The following SPRING1 variants were observed in gnomAD, a reference collection of about 807,000 sequenced individuals.
SPRING1 encodes SREBP regulating gene protein.
In SPRING1, 14 loss-of-function variants were observed where a neutral mutation model predicts 24.7. The ratio of observed to expected loss-of-function variants is 0.57; its 90% CI spans 0.37 to 0.88. SPRING1 has a LOEUF of 0.88. Among genes scored for constraint, SPRING1 ranks in the 40% least tolerant of loss-of-function variants. The probability of loss-of-function intolerance (pLI) is 0.00; values close to 1 mark genes in which losing one functional copy is unlikely to be tolerated. For missense variants in SPRING1, 255 were observed against 268.4 expected, an observed-to-expected ratio of 0.95 and a Z score of 0.35; for synonymous variants, 93 against 106.1, an observed-to-expected ratio of 0.88 and a Z score of 0.76.
At chr12:116,718,921 C>T (rs939898541) in intron 4 of SPRING1, among the ~76,000 whole-genome samples, 7 of 152,264 alleles carry the variant, frequency 4.6e-5, no homozygotes, top group African/African-American at 9.6e-5. Flanking sequence ...ACTGAATGCT[C>T]GCAGAACAAA....
intron 1 of SPRING1, among the ~76,000 whole-genome samples, chr12:116,727,770 AG>A (rs1166065252): frequency 6.6e-6 from 1 of 152,248 alleles, no homozygotes; most frequent in African/African-American, 2.4e-5. Flanking sequence ...GAAAAATGGC[AG>A]GAAGAAAATA....
At chr12:116,730,029 T>C (rs1183249643) in intron 1 of SPRING1, among the ~76,000 whole-genome samples, 3 of 152,010 alleles carry the variant, frequency 2.0e-5, no homozygotes, top group Non-Finnish European at 4.4e-5. Flanking sequence ...GCCTCCCGAG[T>C]AGCTGGAACT....
Position 116,720,320 on chromosome 12 carries a change from G to A in SPRING1, c.396C>T (p.Val132=), listed in dbSNP as rs747392112. The change falls in exon 3 of 5, where the codon GTC becomes GTT. Residue 132 remains valine (V), a synonymous_variant. Transcript: ENST00000261318. This position sits in a 1 kb window ranked among gnomAD's most constrained non-coding sequence, Gnocchi z 4.0. The part of the protein sequence containing the change: ...NGCCSAYEYC[V]SCCLQPNKQL... ...CCTTGTTGGGCTGCAGGCAGCAGGA[G>A]ACACAGTACTCATAGGCGCTGCAGC... is the stretch of plus-strand genomic sequence containing the variant. 3.7e-6 allele frequency: 6 copies of A among 1,613,128 alleles called. No homozygotes were observed. The highest frequency in any genetic ancestry group is 5.1e-6 in the Non-Finnish European group (6 of 1,179,680).
At chr12:116,731,763 T>C (rs1870987493) in intron 1 of SPRING1, among the ~76,000 whole-genome samples, 2 of 151,748 alleles carry the variant, frequency 1.3e-5, no homozygotes. Flanking sequence ...AACAAACAAA[T>C]AAACAAAACC....
At chr12:116,725,779 A>G (rs1050943349) in intron 1 of SPRING1, among the ~76,000 whole-genome samples, 27 of 152,062 alleles carry the variant, frequency 1.8e-4, no homozygotes, top group Admixed American at 1.1e-3. Flanking sequence ...CCAGCTACTC[A>G]GGAGGCTGAG....
intron 1 of SPRING1, among the ~76,000 whole-genome samples, chr12:116,730,352 T>C (rs541300438): frequency 2.2e-4 from 33 of 152,094 alleles, no homozygotes; most frequent in African/African-American, 7.7e-4. Context: ...TACAGGCACC[T>C]GCCACCACAC....
In SPRING1 at chr12:116,720,501, A is replaced by G. The variant is rs1259593213; in HGVS notation, c.269-54T>C. ...AAACCAGCAGCCTTGCCACCTCCCT[A>G]CCAGGGATGACCATGAAGCAGCAGT... On this transcript the variant is annotated intron_variant, in intron 2 of 4. Coordinates refer to ENST00000261318, the MANE Select transcript of SPRING1 (RefSeq NM_024738.4). The surrounding 1 kb of genome is among the most constrained non-coding windows in gnomAD (Gnocchi z 4.0). The G allele has an allele frequency of 2.4e-5, 38 of 1,588,874 alleles. No individual in the cohort carries two copies. In the South Asian group the frequency reaches 4.1e-4, roughly 17 times the overall value.
Position 116,710,941 on chromosome 12 carries a change from C to T in SPRING1, c.*6869G>A, listed in dbSNP as rs549255003. 1 of 152,154 alleles carries T rather than the reference C, an allele frequency of 6.6e-6. No homozygotes were observed. Among genetic ancestry groups the T allele is most frequent in the African/African-American group, 2.4e-5 (1 of 41,498 alleles). The allele number at this position is 152,154 out of a possible 1,614,324, so 9.4% of individuals were successfully genotyped here. A position where few individuals can be genotyped will look rare whatever the true frequency, so the allele number is the denominator to read the frequency against. Reference sequence around the variant, plus strand: ...CCGGAGAGGGTAATTTACTCAAGGTCATTAAGGTCAGTGCTCTTGTCAATA... The same window carrying T: ...CCGGAGAGGGTAATTTACTCAAGGTTATTAAGGTCAGTGCTCTTGTCAATA... On this transcript the variant is annotated 3_prime_UTR_variant, in exon 5 of 5. Coordinates refer to ENST00000261318, the MANE Select transcript of SPRING1 (RefSeq NM_024738.4).
At chr12:116,729,697 T>C (rs1724893700) in intron 1 of SPRING1, among the ~76,000 whole-genome samples, 1 of 152,196 alleles carries the variant, frequency 6.6e-6, no homozygotes. Flanking sequence ...AACATTATGC[T>C]AAATGCAAAC....
chr12:116,720,041 A>T lies in SPRING1; in HGVS notation c.421-165T>A. ...CACGCGTGCACACACGTGCATGCCA[A>T]AACACCCTGGGTATCTTATTCATTA... is the stretch of plus-strand genomic sequence containing the variant. On this transcript the variant is annotated intron_variant, in intron 3 of 4. Transcript: ENST00000261318. The surrounding 1 kb of genome is among the most constrained non-coding windows in gnomAD (Gnocchi z 4.0). The T allele has an allele frequency of 1.4e-6, 1 of 724,142 alleles. No homozygotes were observed. Among genetic ancestry groups the T allele is most frequent in the Non-Finnish European group, 2.3e-6 (1 of 442,722 alleles). 44.9% of individuals were successfully genotyped at this position (724,142 alleles called of 1,614,324 possible).
chr12:116,737,962 C>T lies in SPRING1; in HGVS notation c.-62G>A. 1 of 1,266,252 alleles carries T rather than the reference C, an allele frequency of 7.9e-7. No individual in the cohort carries two copies. The highest frequency in any genetic ancestry group is 1.0e-6 in the Non-Finnish European group (1 of 1,001,458). The allele number at this position is 1,266,252 out of a possible 1,614,324, so 78.4% of individuals were successfully genotyped here. ...GAACGCGGCAGGCCCGGGTCCCGGGCGGCATGGCCCCTACGCGCCCGGCAG... is the reference window on the plus strand; with the variant it reads ...GAACGCGGCAGGCCCGGGTCCCGGGTGGCATGGCCCCTACGCGCCCGGCAG... On this transcript the variant is annotated 5_prime_UTR_variant, in exon 1 of 5. Coordinates refer to ENST00000261318, the MANE Select transcript of SPRING1 (RefSeq NM_024738.4).
chr12:116,722,032 T>C (rs1390628433), intron 2 of SPRING1, among the ~76,000 whole-genome samples: 1 of 152,236 alleles, frequency 6.6e-6, no homozygotes, highest in Non-Finnish European at 1.5e-5. Context: ...TCATACTGTG[T>C]TGCTATTGCC....
rs146457169 is a variant in SPRING1, at chr12:116,717,772, G to T, written c.*38C>A. 929 of 1,531,082 alleles carry T rather than the reference G, an allele frequency of 6.1e-4. 4 individuals are homozygous for T. In the African/African-American group the frequency reaches 0.01, roughly 17 times the overall value. 94.8% of individuals were successfully genotyped at this position (1,531,082 alleles called of 1,614,324 possible). ...CCCAGGAGGCGAGTTCTTCAGCGGG[G>T]CCTCCTCACCCAGGCTGGAGCAAGT... On this transcript the variant is annotated 3_prime_UTR_variant, in exon 5 of 5. Transcript: ENST00000261318. This position sits in a 1 kb window ranked among gnomAD's most constrained non-coding sequence, Gnocchi z 4.2.
rs1555254866 is a variant in SPRING1 at position 116,711,025 on chromosome 12, A to ACGCATG, written c.*6784_*6785insCATGCG. 1.3e-5 allele frequency: 2 copies of ACGCATG among 150,930 alleles called. No individual in the cohort carries two copies. Among genetic ancestry groups the ACGCATG allele is most frequent in the African/African-American group, 2.4e-5 (1 of 41,010 alleles). 9.3% of individuals were successfully genotyped at this position (150,930 alleles called of 1,614,324 possible). On this transcript the variant is annotated 3_prime_UTR_variant, in exon 5 of 5. Transcript: ENST00000261318. The stretch of plus-strand genomic sequence containing the variant: ...TTTTGTTACACACACACACACACAC[A>ACGCATG]CACGCACACACAGAGCCAATGTATG...
chr12:116,720,258 A>T lies in SPRING1; in HGVS notation c.420+38T>A. On this transcript the variant is annotated intron_variant, in intron 3 of 4. Transcript: ENST00000261318. The surrounding 1 kb of genome is among the most constrained non-coding windows in gnomAD (Gnocchi z 4.0). ...CTCATCATAAAACAGAGGCCGAAAG[A>T]AAAAAGGAGCCGCAGAACCAGGATC... 2 of 1,561,730 alleles carry T rather than the reference A, an allele frequency of 1.3e-6. No individual in the cohort carries two copies. Among genetic ancestry groups the T allele is most frequent in the Non-Finnish European group, 1.7e-6 (2 of 1,159,406 alleles).
At chr12:116,729,517 TAAA>T (rs1485872960) in intron 1 of SPRING1, among the ~76,000 whole-genome samples, 1 of 152,242 alleles carries the variant, frequency 6.6e-6, no homozygotes, top group African/African-American at 2.4e-5. Context: ...TGAAAACTTG[TAAA>T]TGAATGTCTG....
intron 1 of SPRING1, among the ~76,000 whole-genome samples, chr12:116,724,414 G>T (rs1870585422): frequency 6.6e-6 from 1 of 152,106 alleles, no homozygotes; most frequent in South Asian, 2.1e-4. Flanking sequence ...TCGTTTCGAT[G>T]GTATAAAAAA....
At chr12:116,732,537 G>A (rs1000875594) in intron 1 of SPRING1, among the ~76,000 whole-genome samples, 6 of 152,172 alleles carry the variant, frequency 3.9e-5, no homozygotes, top group African/African-American at 4.8e-5. Context: ...GCGAAACCCC[G>A]TCTCTACTAA....
At chr12:116,735,525 A>C (rs1291124275) in intron 1 of SPRING1, among the ~76,000 whole-genome samples, 1 of 151,644 alleles carries the variant, frequency 6.6e-6, no homozygotes, top group Non-Finnish European at 1.5e-5. Context: ...TGAGGTCAGG[A>C]GTTCGAGACC....
Sources: gnomAD v4.1 joint callset for allele counts (sites outside exome capture counted in the v4.1 genomes callset) on GRCh38, gnomAD v4.1.1 for gene constraint, Gnocchi (gnomAD v3.1) non-coding constraint, MANE v1.5 for transcripts, NCBI Gene and HGNC (gene_info 2026-07-23, HGNC 2026-07-21) for gene names.